The following B3GALT1 variants were observed in gnomAD, a reference collection of about 807,000 sequenced individuals.
B3GALT1 encodes the protein UDP-Gal:betaGlcNAc beta 1,3-galactosyltransferase, polypeptide 1.
Under a neutral mutation model 23.2 loss-of-function variants are expected in B3GALT1, and 10 were observed. The ratio of observed to expected loss-of-function variants is 0.43; its 90% CI spans 0.27 to 0.73. The LOEUF (loss-of-function observed/expected upper bound fraction) is 0.73, where lower values mean the gene tolerates loss of function less well. B3GALT1 is among the 30% of genes least tolerant of loss of function. The pLI, the probability that B3GALT1 is intolerant of heterozygous loss-of-function variation, is 0.21. For synonymous variants in B3GALT1, 156 were observed against 141.5 expected (o/e 1.10, Z -0.73); for missense variants, 299 against 405.4 (o/e 0.74, Z 2.25).
chr2:167,832,080 C>G (rs1474661839), intron 4 of B3GALT1, among the ~76,000 whole-genome samples: 1 of 152,164 alleles, frequency 6.6e-6, no homozygotes, highest in East Asian at 1.9e-4. Flanking sequence ...AAGGCAGCAG[C>G]ATGGCACCAT....
chr2:167,597,929 A>G (rs576469704), intron 2 of B3GALT1, among the ~76,000 whole-genome samples: 14 of 152,324 alleles, frequency 9.2e-5, no homozygotes, highest in African/African-American at 3.1e-4. Flanking sequence ...AGAAGGTAAG[A>G]TATGACATAA....
At position 167,746,104 on chromosome 2, in the gene B3GALT1, CAAAGGT is replaced by C. The variant is rs577979831; in HGVS notation, c.-351-72562_-351-72557del. Among the ~76,000 whole-genome samples the C allele has an allele frequency of 3.1e-3, 475 of 152,206 alleles. 1 individual carries two copies. The highest frequency in any genetic ancestry group is 5.5e-3 in the Non-Finnish European group (376 of 67,998). On this transcript the variant is annotated intron_variant, in intron 3 of 4. Transcript: ENST00000392690. ...GATTTAGAAAGTGGTAAAGTCATTT[CAAAGGT>C]AAAGGAGACAAATTAATTCCTCTAT...
chr2:167,494,797 C>T (rs1699755059), intron 2 of B3GALT1, among the ~76,000 whole-genome samples: 2 of 152,086 alleles, frequency 1.3e-5, no homozygotes, highest in Admixed American at 1.3e-4. Flanking sequence ...CAGTGATACC[C>T]ATATCTGGCA....
chr2:167,512,027 G>T (rs1214092843), intron 2 of B3GALT1, among the ~76,000 whole-genome samples: 1 of 152,124 alleles, frequency 6.6e-6, no homozygotes, highest in Non-Finnish European at 1.5e-5. Context: ...GATATGTTAG[G>T]AAGTTAGAAA....
chr2:167,415,818 C>A (rs886517839), intron 1 of B3GALT1, among the ~76,000 whole-genome samples: 5 of 152,162 alleles, frequency 3.3e-5, no homozygotes, highest in Non-Finnish European at 7.3e-5. Context: ...TGCATTGTGT[C>A]TGTGCCTTAG....
chr2:167,306,434 C>T (rs1332515240), intron 1 of B3GALT1, among the ~76,000 whole-genome samples: 2 of 151,832 alleles, frequency 1.3e-5, no homozygotes, highest in Non-Finnish European at 2.9e-5. Flanking sequence ...ATGATTTCCT[C>T]TTTATTTTTA....
chr2:167,399,027 A>G (rs192947100), intron 1 of B3GALT1, among the ~76,000 whole-genome samples: 2 of 152,294 alleles, frequency 1.3e-5, no homozygotes, highest in Admixed American at 1.3e-4. Flanking sequence ...GCAGTTCTAG[A>G]TATGGCAAAC....
At chr2:167,848,373 A>G (rs961239489) in intron 4 of B3GALT1, among the ~76,000 whole-genome samples, 2 of 152,194 alleles carry the variant, frequency 1.3e-5, no homozygotes, top group East Asian at 3.8e-4. Flanking sequence ...ATCCAACAAT[A>G]TATCAAAAAA....
At chr2:167,782,532 T>C (rs1045719543) in intron 3 of B3GALT1, among the ~76,000 whole-genome samples, 5 of 152,212 alleles carry the variant, frequency 3.3e-5, no homozygotes, top group Non-Finnish European at 4.4e-5. Context: ...AATCTCACCT[T>C]ACAAATATTA....
In B3GALT1 at chr2:167,846,203, C is replaced by T. The variant is rs187268753; in HGVS notation, c.-229-22608C>T. 2.5e-3 allele frequency among the ~76,000 whole-genome samples: 385 copies of T among 152,244 alleles called. 2 individuals carry two copies. The highest frequency in any genetic ancestry group is 5.6e-3 in the Admixed American group (85 of 15,298). On this transcript the variant is annotated intron_variant, in intron 4 of 4. Coordinates refer to ENST00000392690, the MANE Select transcript of B3GALT1 (RefSeq NM_020981.4). ...TTGGGAGAAAAATCGAGGAAAACTT[C>T]CCTGCCTTGCTAGAGACCTAGACAC...
chr2:167,502,245 A>G (rs895561759), intron 2 of B3GALT1, among the ~76,000 whole-genome samples: 2 of 152,162 alleles, frequency 1.3e-5, no homozygotes. Context: ...ATATAACAGA[A>G]TGCCTTTTGA....
intron 1 of B3GALT1, among the ~76,000 whole-genome samples, chr2:167,405,031 A>T (rs1698251721): frequency 6.6e-6 from 1 of 152,122 alleles, no homozygotes; most frequent in South Asian, 2.1e-4. Context: ...ATTACTGCTG[A>T]TTGTACATTT....
intron 3 of B3GALT1, among the ~76,000 whole-genome samples, chr2:167,664,598 G>A (rs1686137237): frequency 6.6e-6 from 1 of 152,112 alleles, no homozygotes. Flanking sequence ...CCATGAGCAT[G>A]GAATGTTCTT....
In B3GALT1 at chr2:167,499,952, T is replaced by A. The variant is rs77635787; in HGVS notation, c.-410+9675T>A. 3.2e-3 allele frequency among the ~76,000 whole-genome samples: 480 copies of A among 152,224 alleles called. 1 individual carries two copies. Among genetic ancestry groups the A allele is most frequent in the South Asian group, 5.4e-3 (26 of 4,828 alleles). On this transcript the variant is annotated intron_variant, in intron 2 of 4. Coordinates refer to ENST00000392690, the MANE Select transcript of B3GALT1 (RefSeq NM_020981.4). ...ACTACTAGAAGTTTAAGTAAAATAC[T>A]GGCAGGTCAGGGGTGGTGTGTGTAT...
At chr2:167,617,575 A>G (rs958126145) in intron 2 of B3GALT1, among the ~76,000 whole-genome samples, 21 of 152,140 alleles carry the variant, frequency 1.4e-4, no homozygotes, top group African/African-American at 4.6e-4. Flanking sequence ...TCTTGTTAAT[A>G]TAGTAAAACA....
chr2:167,315,635 C>T (rs1204644129), intron 1 of B3GALT1, among the ~76,000 whole-genome samples: 1 of 152,122 alleles, frequency 6.6e-6, no homozygotes, highest in Non-Finnish European at 1.5e-5. Flanking sequence ...TTATGAAATT[C>T]AAAATGTATT....
intron 3 of B3GALT1, among the ~76,000 whole-genome samples, chr2:167,707,420 C>G (rs1186468330): frequency 6.6e-6 from 1 of 152,100 alleles, no homozygotes; most frequent in Non-Finnish European, 1.5e-5. Flanking sequence ...GGGTAGAAGT[C>G]TAACATGAGT....
chr2:167,590,112 C>T (rs575243545), intron 2 of B3GALT1, among the ~76,000 whole-genome samples: 2 of 152,078 alleles, frequency 1.3e-5, no homozygotes, highest in Admixed American at 6.5e-5. Context: ...TTTGGGAGGC[C>T]GAGGCGGGCG....
At chr2:167,793,434 G>A (rs1046652747) in intron 3 of B3GALT1, among the ~76,000 whole-genome samples, 11 of 152,110 alleles carry the variant, frequency 7.2e-5, no homozygotes, top group Non-Finnish European at 1.3e-4. Flanking sequence ...TGGATCACGG[G>A]GAGGGTACAG....
Sources: allele counts gnomAD v4.1 joint callset (sites outside exome capture counted in the v4.1 genomes callset), GRCh38; gene constraint gnomAD v4.1.1; transcripts MANE v1.5; gene names NCBI Gene and HGNC (gene_info 2026-07-23, HGNC 2026-07-21).